The following ALG1 variants were observed in gnomAD, a reference collection of about 807,000 sequenced individuals.
The protein encoded by ALG1 is ALG1 chitobiosyldiphosphodolichol beta-mannosyltransferase.
In ALG1, 58 loss-of-function variants were observed where a neutral mutation model predicts 55.1. That is an observed-to-expected ratio of 1.05 (90% CI 0.85 to 1.31). The LOEUF is 1.31. Among genes scored for constraint, ALG1 ranks in the 50% most tolerant of loss-of-function variants. ALG1 has a pLI of 0.00. For missense variants in ALG1, 761 were observed against 598.6 expected (o/e 1.27, Z -2.83); for synonymous variants, 309 against 247.0 (o/e 1.25, Z -2.35).
intron 8 of ALG1, among the ~76,000 whole-genome samples, 157 bp downstream of exon 8, chr16:5,079,259 G>C (rs1322533108): frequency 6.6e-6 from 1 of 152,222 alleles, no homozygotes; most frequent in South Asian, 2.1e-4. Flanking sequence ...TGAATCCCCA[G>C]TTGGGTCATT....
chr16:5,074,501 T>C (rs982604458), intron 3 of ALG1, among the ~76,000 whole-genome samples: 1 of 152,228 alleles, frequency 6.6e-6, no homozygotes, highest in East Asian at 1.9e-4. Flanking sequence ...TGTACTATAC[T>C]GCATGTATTT....
chr16:5,082,189 C>T (rs1315744599), intron 10 of ALG1, among the ~76,000 whole-genome samples: 2 of 152,144 alleles, frequency 1.3e-5, no homozygotes, highest in African/African-American at 4.8e-5. Flanking sequence ...AGGTGATCTG[C>T]CCGCCTTGGC....
At chr16:5,083,123 G>C (rs1280349820) in intron 11 of ALG1, among the ~76,000 whole-genome samples, 2 of 152,144 alleles carry the variant, frequency 1.3e-5, no homozygotes, top group Non-Finnish European at 2.9e-5. Context: ...TGAGTGTCAT[G>C]CTGTGGCCTC....
Position 5,082,582 on chromosome 16 carries a change from C to T in ALG1, c.1096C>T (p.Leu366=), listed in dbSNP as rs761704653. The change falls in exon 11 of 13, where the codon CTG becomes TTG. Residue 366 remains leucine (L), a synonymous_variant. Transcript: ENST00000262374. Reference sequence around the variant, plus strand: ...AGGGTCGGCGGACCTGGGTGTCTGTCTGCACACGTCCTCCAGTGGCCTGGA... The same window carrying T: ...AGGGTCGGCGGACCTGGGTGTCTGTTTGCACACGTCCTCCAGTGGCCTGGA... ...LLGSADLGVC[L]HTSSSGLDLP... 5 of 1,611,928 alleles carry T rather than the reference C, an allele frequency of 3.1e-6. No homozygotes were observed. Among genetic ancestry groups the T allele is most frequent in the Admixed American group, 1.7e-5 (1 of 59,998 alleles).
At position 5,079,747 on chromosome 16, in the gene ALG1, G is replaced by C. The variant is rs778009814; in HGVS notation, c.902-1G>C. 3 of 1,611,292 alleles carry C rather than the reference G, an allele frequency of 1.9e-6. No homozygotes were observed. The highest frequency in any genetic ancestry group is 1.1e-5 in the South Asian group (1 of 90,982). On this transcript the variant is annotated splice_acceptor_variant, in intron 8 of 12. Coordinates refer to ENST00000262374, the MANE Select transcript of ALG1 (RefSeq NM_019109.5). LOFTEE classifies it high-confidence loss of function. Reference sequence around the variant, plus strand: ...AGAATTGTTTCTTTTTCTAAACACAGAGTTTGAACAACTGACTCTTGATGG... The same window carrying C: ...AGAATTGTTTCTTTTTCTAAACACACAGTTTGAACAACTGACTCTTGATGG...
In ALG1 at chr16:5,079,027, A is replaced by G. The variant is rs777530270; in HGVS notation, c.863-37A>G. 24 of 1,604,842 alleles carry G rather than the reference A, an allele frequency of 1.5e-5. No individual in the cohort carries two copies. The East Asian group carries it at 4.9e-4, about 33-fold the overall frequency. On this transcript the variant is annotated intron_variant, in intron 7 of 12. Transcript: ENST00000262374. ...CCTGTGAGCTGGAAGAGGGGTGTCTAGAAACAGGCCCCTGACATTCAATTC... is the reference window on the plus strand; with the variant it reads ...CCTGTGAGCTGGAAGAGGGGTGTCTGGAAACAGGCCCCTGACATTCAATTC...
At chr16:5,084,112 C>A (rs1358299168) in intron 12 of ALG1, among the ~76,000 whole-genome samples, 1 of 152,188 alleles carries the variant, frequency 6.6e-6, no homozygotes, top group African/African-American at 2.4e-5. Flanking sequence ...GGGTGGAATT[C>A]TGCAAAGGTT....
intron 3 of ALG1, among the ~76,000 whole-genome samples, chr16:5,073,911 C>T (rs564305846): frequency 1.4e-4 from 21 of 152,198 alleles, no homozygotes; most frequent in East Asian, 1.2e-3. Flanking sequence ...AATGGGGTTA[C>T]GCCATGTTGG....
Position 5,071,954 on chromosome 16 carries a change from A to G in ALG1, c.105A>G (p.Val35=). The G allele has an allele frequency of 6.3e-7, 1 of 1,588,816 alleles. No individual in the cohort carries two copies. Residue 35 remains valine, a synonymous_variant, in exon 1 of 13, where the codon GTA becomes GTG. Transcript: ENST00000262374. ...GCCGGGGGCGGGCGGCCCGGCATGT[A>G]GTAGCGGTGGTGCTGGGCGACGTGG... ...RWRRGRAARH[V]VAVVLGDVGR... is the part of the protein sequence containing the mutation.
chr16:5,083,140 C>T (rs1313155285), intron 11 of ALG1, among the ~76,000 whole-genome samples: 3 of 152,124 alleles, frequency 2.0e-5, no homozygotes, highest in Non-Finnish European at 4.4e-5. Flanking sequence ...CCTCACTGCA[C>T]CCAGCGTAGA....
In ALG1 at chr16:5,073,135, G is replaced by C. The variant is rs1567166306; in HGVS notation, c.287-18G>C. ...CCAGACGCTCCTTTGGTAGTCACAGGTGTTTTCTGACTTGCAGTTGGGCCC... is the reference window on the plus strand; with the variant it reads ...CCAGACGCTCCTTTGGTAGTCACAGCTGTTTTCTGACTTGCAGTTGGGCCC... On this transcript the variant is annotated intron_variant, in intron 2 of 12. Coordinates refer to ENST00000262374, the MANE Select transcript of ALG1 (RefSeq NM_019109.5). The C allele has an allele frequency of 1.9e-6, 3 of 1,613,454 alleles. No individual in the cohort carries two copies. Among genetic ancestry groups the C allele is most frequent in the Non-Finnish European group, 2.5e-6 (3 of 1,179,368 alleles).
chr16:5,081,019 C>T lies in ALG1; in HGVS notation c.1035C>T (p.Thr345=). The T allele has an allele frequency of 6.3e-7, 1 of 1,596,382 alleles. No individual in the cohort carries two copies. The highest frequency in any genetic ancestry group is 8.5e-7 in the Non-Finnish European group (1 of 1,179,736). Residue 345 remains threonine (T), a synonymous_variant, in exon 10 of 13, where the codon ACC becomes ACT. Transcript: ENST00000262374. ...QKHFQHIQVC[T]PWLEAEDYPL... is the part of the protein sequence containing the mutation. Reference sequence around the variant, plus strand: ...ACTTCCAGCACATCCAGGTCTGCACCCCCTGGCTGGAGGCCGAGGACTACC... The same window carrying T: ...ACTTCCAGCACATCCAGGTCTGCACTCCCTGGCTGGAGGCCGAGGACTACC...
chr16:5,080,627 T>C lies in ALG1; in HGVS notation c.962-319T>C, dbSNP rs186254781. Among the ~76,000 whole-genome samples the C allele has an allele frequency of 4.3e-3, 657 of 152,322 alleles. 2 individuals are homozygous for C. The highest frequency in any genetic ancestry group is 6.6e-3 in the Non-Finnish European group (451 of 68,022). On this transcript the variant is annotated intron_variant, in intron 9 of 12. Transcript: ENST00000262374. ...GCAGGAGGAGTCCTCGTGTCCCCTGTGCACAACACAGACAAAAGGCTGGGT... is the reference window on the plus strand; with the variant it reads ...GCAGGAGGAGTCCTCGTGTCCCCTGCGCACAACACAGACAAAAGGCTGGGT...
chr16:5,076,782 G>A (rs1170578715), intron 4 of ALG1, among the ~76,000 whole-genome samples: 1 of 142,250 alleles, frequency 7.0e-6, no homozygotes, highest in African/African-American at 2.6e-5. Flanking sequence ...GGCCTTCATT[G>A]TATTTCTTCC....
At chr16:5,076,962 T>G (rs1596255666) in intron 4 of ALG1, among the ~76,000 whole-genome samples, 1 of 151,934 alleles carries the variant, frequency 6.6e-6, no homozygotes, top group Non-Finnish European at 1.5e-5. Flanking sequence ...GCCTGGCTAA[T>G]TTTTGTGTTT....
Position 5,071,946 on chromosome 16 carries a change from CGGCATGTAGTAGCGGTGGTGCTGGGCG to C in ALG1, c.98_124del (p.Arg33_Asp42delinsHis). ...GCGCTGGCGCCGGGGGCGGGCGGCCCGGCATGTAGTAGCGGTGGTGCTGGGCGACGTGGGCCGCAGCCCCCGTATGCA... is the reference window on the plus strand; with the variant it reads ...GCGCTGGCGCCGGGGGCGGGCGGCCCACGTGGGCCGCAGCCCCCGTATGCA... On this transcript the variant is annotated inframe_deletion, in exon 1 of 13. Coordinates refer to ENST00000262374, the MANE Select transcript of ALG1 (RefSeq NM_019109.5). 1 of 1,587,698 alleles carries C rather than the reference CGGCATGTAGTAGCGGTGGTGCTGGGCG, an allele frequency of 6.3e-7. No homozygotes were observed.
chr16:5,079,247 C>T lies in ALG1; in HGVS notation c.901+145C>T, dbSNP rs936497181. ...AGCGGGGGTGGTGGAAGTGGGCCGC[C>T]CTGAATCCCCAGTTGGGTCATTGAG... On this transcript the variant is annotated intron_variant, in intron 8 of 12. Transcript: ENST00000262374. The T allele has an allele frequency of 1.1e-5, 12 of 1,067,976 alleles. No homozygotes were observed. In the African/African-American group the frequency reaches 1.7e-4, roughly 15 times the overall value. The allele number at this position is 1,067,976 out of a possible 1,614,324, so 66.2% of individuals were successfully genotyped here. A position where few individuals can be genotyped will look rare whatever the true frequency, so the allele number is the denominator to read the frequency against.
intron 4 of ALG1, among the ~76,000 whole-genome samples, chr16:5,076,700 CCCACGTTGAGAGCAAG>C (rs1340976150): frequency 6.6e-6 from 1 of 152,208 alleles, no homozygotes; most frequent in East Asian, 1.9e-4. Context: ...ATCCCTTTGC[CCCACGTTGAGAGCAAG>C]CCGTGACCTT....
At chr16:5,083,639 T>C in intron 11 of ALG1, 43 bp from the exon 12 acceptor site, 1 of 1,600,240 alleles carries the variant, frequency 6.2e-7, no homozygotes, top group Non-Finnish European at 8.5e-7. Context: ...GGGTCTGGTG[T>C]CTTCTACAGG....
Sources: gnomAD v4.1 joint callset for allele counts (sites outside exome capture counted in the v4.1 genomes callset) on GRCh38, gnomAD v4.1.1 for gene constraint, MANE v1.5 for transcripts, NCBI Gene and HGNC (gene_info 2026-07-23, HGNC 2026-07-21) for gene names.